The following PLA2G4E variants were observed in gnomAD, a reference collection of about 807,000 sequenced individuals.
PLA2G4E encodes cytosolic phospholipase A2 epsilon.
PLA2G4E carries 84 observed loss-of-function variants against 109.1 expected under a neutral mutation model. That is an observed-to-expected ratio of 0.77 (90% CI 0.65 to 0.92). PLA2G4E has a LOEUF of 0.92. Ranked by LOEUF, PLA2G4E falls within the 40% of genes least tolerant of loss-of-function variation. PLA2G4E has a pLI of 0.00. For missense variants in PLA2G4E, 1,057 were observed against 1,076.6 expected (o/e 0.98, Z 0.25); for synonymous variants, 469 against 436.1 (o/e 1.08, Z -0.94).
chr15:42,029,956 G>A (rs778406859), intron 1 of PLA2G4E, among the ~76,000 whole-genome samples: 3 of 152,188 alleles, frequency 2.0e-5, no homozygotes, highest in Non-Finnish European at 4.4e-5. Flanking sequence ...TCATATATGA[G>A]AAGAGAGGTA....
chr15:42,024,640 G>A (rs1290139920), intron 1 of PLA2G4E, among the ~76,000 whole-genome samples: 1 of 152,100 alleles, frequency 6.6e-6, no homozygotes, highest in Non-Finnish European at 1.5e-5. Context: ...GGTGGTTCAG[G>A]GCCCTGTCCC....
intron 1 of PLA2G4E, among the ~76,000 whole-genome samples, chr15:42,014,174 G>A (rs1166210437): frequency 6.6e-6 from 1 of 152,056 alleles, no homozygotes; most frequent in East Asian, 1.9e-4. Flanking sequence ...TTACAGGCAT[G>A]AGCCACCACG....
intron 1 of PLA2G4E, chr15:42,050,407 A>AT: frequency 7.8e-7 from 1 of 1,282,944 alleles, no homozygotes; most frequent in Non-Finnish European, 1.1e-6. Context: ...GAAAGAAATG[A>AT]ACAAAAACCA....
At chr15:42,000,940 T>A (rs567701688) in intron 7 of PLA2G4E, among the ~76,000 whole-genome samples, 9 of 151,998 alleles carry the variant, frequency 5.9e-5, no homozygotes, top group African/African-American at 2.2e-4. Context: ...TACTCCAAGG[T>A]TATGTGGGTG....
intron 1 of PLA2G4E, among the ~76,000 whole-genome samples, chr15:42,014,759 C>T (rs1186260357): frequency 6.6e-6 from 1 of 152,208 alleles, no homozygotes; most frequent in East Asian, 1.9e-4. Context: ...TGCCTCTCTC[C>T]ACTCCACTGT....
At chr15:41,989,647 C>T in intron 14 of PLA2G4E, 95 bp from the exon 15 acceptor site, 1 of 1,475,170 alleles carries the variant, frequency 6.8e-7, no homozygotes, top group Non-Finnish European at 9.1e-7. Context: ...TGGCTCAGGC[C>T]TTGGAAAGCC....
At chr15:42,039,111 C>G (rs1173919382) in intron 1 of PLA2G4E, among the ~76,000 whole-genome samples, 1 of 152,154 alleles carries the variant, frequency 6.6e-6, no homozygotes, top group Non-Finnish European at 1.5e-5. Context: ...CTTCCCCCAC[C>G]CACTGCCTTC....
intron 15 of PLA2G4E, among the ~76,000 whole-genome samples, chr15:41,988,950 C>T (rs981156215): frequency 3.3e-5 from 5 of 152,126 alleles, no homozygotes; most frequent in African/African-American, 1.2e-4. Flanking sequence ...CTTTGACGGG[C>T]GCAGCTAAGA....
At chr15:42,008,332 G>A (rs865868733) in intron 2 of PLA2G4E, among the ~76,000 whole-genome samples, 13 of 152,188 alleles carry the variant, frequency 8.5e-5, no homozygotes, top group South Asian at 4.1e-4. Flanking sequence ...GCTGTGAGTC[G>A]GCCAAGAGGA....
intron 7 of PLA2G4E, among the ~76,000 whole-genome samples, chr15:42,000,703 G>T (rs2068407555): frequency 6.6e-6 from 1 of 152,166 alleles, no homozygotes; most frequent in Admixed American, 6.5e-5. Flanking sequence ...GTGGGGTGGG[G>T]AGTAGGGTAG....
At chr15:42,039,106 C>T (rs1889269980) in intron 1 of PLA2G4E, among the ~76,000 whole-genome samples, 1 of 152,124 alleles carries the variant, frequency 6.6e-6, no homozygotes, top group Admixed American at 6.5e-5. Flanking sequence ...ACCCACTTCC[C>T]CCACCCACTG....
At chr15:42,036,508 G>T (rs1395545538) in intron 1 of PLA2G4E, among the ~76,000 whole-genome samples, 3 of 152,124 alleles carry the variant, frequency 2.0e-5, no homozygotes, top group African/African-American at 4.8e-5. Flanking sequence ...TGTGCCTCGG[G>T]TGGAGGCTCT....
intron 1 of PLA2G4E, among the ~76,000 whole-genome samples, chr15:42,023,906 C>G (rs1470614015): frequency 3.9e-5 from 6 of 152,160 alleles, no homozygotes; most frequent in Non-Finnish European, 8.8e-5. Flanking sequence ...TTTCTTCCCC[C>G]ACATCCTCTG....
At chr15:42,041,202 C>G (rs1889309249) in intron 1 of PLA2G4E, among the ~76,000 whole-genome samples, 1 of 152,096 alleles carries the variant, frequency 6.6e-6, no homozygotes, top group Non-Finnish European at 1.5e-5. Flanking sequence ...AACACTTGCT[C>G]AAATCCTCAA....
chr15:42,004,714 C>G (rs2068456500), intron 5 of PLA2G4E, among the ~76,000 whole-genome samples: 1 of 152,198 alleles, frequency 6.6e-6, no homozygotes, highest in South Asian at 2.1e-4. Flanking sequence ...TAAAGCAATG[C>G]TGAGGGCAGG....
In PLA2G4E at chr15:42,042,811, A is replaced by G. The variant is rs114305585; in HGVS notation, c.183+7710T>C. ...CCACTCATTGGGCAAGGAAGGGGGC[A>G]GAGCCGTGGCTCACTGAAAATGTGA... On this transcript the variant is annotated intron_variant, in intron 1 of 19. Transcript: ENST00000399518. Among the ~76,000 whole-genome samples the G allele has an allele frequency of 3.2e-3, 489 of 152,356 alleles. 1 individual carries two copies. The highest frequency in any genetic ancestry group is 0.011 in the African/African-American group (468 of 41,586).
intron 15 of PLA2G4E, 110 bp downstream of exon 15, chr15:41,989,305 T>A (rs1443971625): frequency 6.9e-7 from 1 of 1,458,244 alleles, no homozygotes; most frequent in Non-Finnish European, 9.3e-7. Context: ...ACTCCTAGGA[T>A]GAGACAATGC....
chr15:42,025,272 A>G (rs1343518918), intron 1 of PLA2G4E, among the ~76,000 whole-genome samples: 1 of 152,158 alleles, frequency 6.6e-6, no homozygotes, highest in East Asian at 1.9e-4. Context: ...ACTCGCCAGT[A>G]AGACAGGTTT....
chr15:42,001,259 C>G, intron 6 of PLA2G4E, 39 bp from the exon 7 acceptor site: 1 of 1,543,054 alleles, frequency 6.5e-7, no homozygotes, highest in African/African-American at 1.4e-5. Context: ...TGTCTGAGCA[C>G]CAGCCACCTC....
Sources: allele counts gnomAD v4.1 joint callset (sites outside exome capture counted in the v4.1 genomes callset), GRCh38; gene constraint gnomAD v4.1.1; transcripts MANE v1.5; gene names NCBI Gene and HGNC (gene_info 2026-07-23, HGNC 2026-07-21).